TRMU: variants seen among roughly 807,000 people sequenced by gnomAD.
The protein encoded by TRMU is mitochondrial tRNA-specific 2-thiouridylase 1.
Under a neutral mutation model 46.9 loss-of-function variants are expected in TRMU, and 49 were observed. The ratio of observed to expected loss-of-function variants is 1.05; its 90% CI spans 0.83 to 1.33. The LOEUF is 1.33. TRMU is among the 40% of genes most tolerant of loss of function. The pLI is 0.00. For synonymous variants in TRMU, 241 were observed against 200.9 expected (o/e 1.20, Z -1.69); for missense variants, 572 against 532.4 (o/e 1.07, Z -0.73).
At position 46,335,788 on chromosome 22, in the gene TRMU, G is replaced by T. The variant is rs1407341301; in HGVS notation, c.24G>T (p.Val8=). The part of the protein sequence containing the change: MQALRHV[V]CALSGGVDSA... ...GGATGCAGGCCTTGCGGCACGTCGTGTGCGCCCTGTCCGGCGGCGTGGACA... is the reference window on the plus strand; with the variant it reads ...GGATGCAGGCCTTGCGGCACGTCGTTTGCGCCCTGTCCGGCGGCGTGGACA... The change falls in exon 1 of 11, where the codon GTG becomes GTT. Residue 8 remains valine (V), a synonymous_variant. Coordinates refer to ENST00000645190, the MANE Select transcript of TRMU (RefSeq NM_018006.5). 3 of 1,559,774 alleles carry T rather than the reference G, an allele frequency of 1.9e-6. No individual in the cohort carries two copies. The highest frequency in any genetic ancestry group is 3.7e-5 in the Admixed American group (2 of 53,376).
At chr22:46,343,704 T>C (rs2078182151) in intron 3 of TRMU, among the ~76,000 whole-genome samples, 1 of 152,204 alleles carries the variant, frequency 6.6e-6, no homozygotes, top group African/African-American at 2.4e-5. Flanking sequence ...CTCCTGATAC[T>C]GAATTGCTTG....
chr22:46,355,911 G>A, intron 9 of TRMU, 79 bp from the exon 10 acceptor site: 1 of 1,532,512 alleles, frequency 6.5e-7, no homozygotes, highest in African/African-American at 1.4e-5. Flanking sequence ...CCGTGGGCTG[G>A]TGCTCCTTTC....
intron 9 of TRMU, 128 bp downstream of exon 9, chr22:46,355,716 A>G (rs1465479019): frequency 6.7e-6 from 10 of 1,490,756 alleles, no homozygotes; most frequent in Admixed American, 5.6e-5. Context: ...GAGATTACCT[A>G]AAGTATTTAG....
At position 46,355,770 on chromosome 22, in the gene TRMU, CT is replaced by C. The variant is rs556044498; in HGVS notation, c.1018+183del. On this transcript the variant is annotated intron_variant, in intron 9 of 10. Coordinates refer to ENST00000645190, the MANE Select transcript of TRMU (RefSeq NM_018006.5). ...CTGCCCTGAGCGAGGCCTGGGGGTG[CT>C]GGGAGCAGATGCAGGCAGGCCCCGG... The C allele has an allele frequency of 4.4e-4, 514 of 1,176,066 alleles. 7 individuals are homozygous for C. The Admixed American group carries it at 8.2e-3, about 19-fold the overall frequency. The allele number at this position is 1,176,066 out of a possible 1,614,324, so 72.9% of individuals were successfully genotyped here.
At position 46,338,825 on chromosome 22, in the gene TRMU, T is replaced by C. The variant is rs2078047699; in HGVS notation, c.248+881T>C. Among the ~76,000 whole-genome samples the C allele has an allele frequency of 6.6e-6, 1 of 152,178 alleles. No homozygotes were observed. Among genetic ancestry groups the C allele is most frequent in the South Asian group, 2.1e-4 (1 of 4,828 alleles). ...ATGTCGGGCAGTTGTCGAAGGCGTC[T>C]GACACAGCAGGCCATGTGCGCGGGA... On this transcript the variant is annotated intron_variant, in intron 2 of 10. Transcript: ENST00000645190. This position sits in a 1 kb window ranked among gnomAD's most constrained non-coding sequence, Gnocchi z 4.5.
rs1304482594 is a variant in TRMU at position 46,348,564 on chromosome 22, A to C, written c.479-1727A>C. On this transcript the variant is annotated intron_variant, in intron 4 of 10. Coordinates refer to ENST00000645190, the MANE Select transcript of TRMU (RefSeq NM_018006.5). This position sits in a 1 kb window ranked among gnomAD's most constrained non-coding sequence, Gnocchi z 4.8. The stretch of plus-strand genomic sequence containing the variant: ...CCTGTGACTGGGCTGATTTTCCCCC[A>C]CACAGCGTGCTACCACCGGCCTGGC... Among the ~76,000 whole-genome samples, 1 of 152,128 alleles carries C rather than the reference A, an allele frequency of 6.6e-6. No individual in the cohort carries two copies. Among genetic ancestry groups the C allele is most frequent in the Non-Finnish European group, 1.5e-5 (1 of 68,016 alleles).
At chr22:46,343,443 T>A in intron 3 of TRMU, 75 bp downstream of exon 3, 1 of 1,132,582 alleles carries the variant, frequency 8.8e-7, no homozygotes, top group Non-Finnish European at 1.3e-6. Flanking sequence ...TGGATTGCAG[T>A]GGTGCGATCA....
At chr22:46,356,219 T>G (rs1032324994) in intron 10 of TRMU, 147 bp downstream of exon 10, 1 of 786,174 alleles carries the variant, frequency 1.3e-6, no homozygotes, top group Non-Finnish European at 2.1e-6. Context: ...CCACCAGCCC[T>G]GCCCTGGGGG....
rs771627457 is a variant in TRMU, at chr22:46,352,139, A to G, written c.670A>G (p.Ile224Val). Reference sequence around the variant, plus strand: ...ATTTCAGAGCATGGGCATGTGTTTCATCGGGAAGAGGAATTTTGAACATTT... The same window carrying G: ...ATTTCAGAGCATGGGCATGTGTTTCGTCGGGAAGAGGAATTTTGAACATTT... ...QKKESMGMCFIGKRNFEHFLL... is the reference protein window; with the variant it reads ...QKKESMGMCFVGKRNFEHFLL... The change falls in exon 6 of 11, where the codon ATC becomes GTC. Residue 224 changes from isoleucine to valine, a missense_variant. Transcript: ENST00000645190. 3 of 1,613,582 alleles carry G rather than the reference A, an allele frequency of 1.9e-6. No homozygotes were observed. The highest frequency in any genetic ancestry group is 2.5e-6 in the Non-Finnish European group (3 of 1,180,030).
rs1238190742 is a variant in TRMU at position 46,339,272 on chromosome 22, C to T, written c.248+1328C>T. 1.3e-5 allele frequency among the ~76,000 whole-genome samples: 2 copies of T among 152,180 alleles called. No individual in the cohort carries two copies. The highest frequency in any genetic ancestry group is 1.9e-4 in the East Asian group (1 of 5,186). On this transcript the variant is annotated intron_variant, in intron 2 of 10. Transcript: ENST00000645190. The surrounding 1 kb of genome is among the most constrained non-coding windows in gnomAD (Gnocchi z 4.8). ...TCAAGCGATTCTCATGCCTCAGCCT[C>T]CCAAGTAGCTGGGATTATAGGCATG...
intron 8 of TRMU, chr22:46,355,230 T>C (rs1206520632): frequency 4.3e-6 from 3 of 691,762 alleles, no homozygotes; most frequent in Non-Finnish European, 7.3e-6. Flanking sequence ...GGTACTTCCT[T>C]CCTGGGCCTT....
rs1601936651 is a variant in TRMU at position 46,338,237 on chromosome 22, G to A, written c.248+293G>A. ...TTTCTGTTGCCCAGTTAGGATAGGG[G>A]AGCTAAGGCTGAGGGCTCCCCTGGA... On this transcript the variant is annotated intron_variant, in intron 2 of 10. Transcript: ENST00000645190. This position sits in a 1 kb window ranked among gnomAD's most constrained non-coding sequence, Gnocchi z 4.5. 1 of 413,664 alleles carries A rather than the reference G, an allele frequency of 2.4e-6. No homozygotes were observed. Among genetic ancestry groups the A allele is most frequent in the Admixed American group, 3.6e-5 (1 of 28,140 alleles). 25.6% of individuals were successfully genotyped at this position (413,664 alleles called of 1,614,324 possible).
chr22:46,352,381 G>A (rs773785416), intron 7 of TRMU, 51 bp downstream of exon 7: 6 of 1,596,580 alleles, frequency 3.8e-6, no homozygotes, highest in South Asian at 2.2e-5. Context: ...GAGCTGTGGC[G>A]TTTCAGCTCT....
chr22:46,353,724 G>C (rs771466448), intron 7 of TRMU, 43 bp from the exon 8 acceptor site: 3 of 1,590,800 alleles, frequency 1.9e-6, no homozygotes, highest in South Asian at 2.2e-5. Context: ...CATGTGGGCT[G>C]TAACTTGTTG....
In TRMU at chr22:46,336,888, C is replaced by G. The variant is rs1451427887; in HGVS notation, c.83-891C>G. On this transcript the variant is annotated intron_variant, in intron 1 of 10. Coordinates refer to ENST00000645190, the MANE Select transcript of TRMU (RefSeq NM_018006.5). The surrounding 1 kb of genome is among the most constrained non-coding windows in gnomAD (Gnocchi z 4.1). ...GAGACTTGGAGGTGGAGGCGGCCCT[C>G]CCGGCACAGTCAGCAGTGCAAGCAG... is the stretch of plus-strand genomic sequence containing the variant. Among the ~76,000 whole-genome samples the G allele has an allele frequency of 6.6e-6, 1 of 152,052 alleles. No homozygotes were observed. Among genetic ancestry groups the G allele is most frequent in the Non-Finnish European group, 1.5e-5 (1 of 68,014 alleles).
At chr22:46,345,457 A>G (rs2078228147) in intron 3 of TRMU, among the ~76,000 whole-genome samples, 1 of 152,224 alleles carries the variant, frequency 6.6e-6, no homozygotes, top group African/African-American at 2.4e-5. Context: ...GTAATATGAA[A>G]AGAAGAAACA....
chr22:46,353,732 T>C (rs372281955), intron 7 of TRMU, 35 bp from the exon 8 acceptor site: 52 of 1,600,710 alleles, frequency 3.2e-5, no homozygotes, highest in Non-Finnish European at 4.4e-5. Flanking sequence ...CTGTAACTTG[T>C]TGCCCAGCCT....
At position 46,348,460 on chromosome 22, in the gene TRMU, G is replaced by A. The variant is rs1201743999; in HGVS notation, c.479-1831G>A. On this transcript the variant is annotated intron_variant, in intron 4 of 10. Transcript: ENST00000645190. The surrounding 1 kb of genome is among the most constrained non-coding windows in gnomAD (Gnocchi z 4.8). Reference sequence around the variant, plus strand: ...TTGCCCTGGCCCAGCCTGGGTCTCTGGGTAGAGCACCTGCAGGGGCAGTGG... The same window carrying A: ...TTGCCCTGGCCCAGCCTGGGTCTCTAGGTAGAGCACCTGCAGGGGCAGTGG... 6.6e-6 allele frequency among the ~76,000 whole-genome samples: 1 copy of A among 152,216 alleles called. No homozygotes were observed. The highest frequency in any genetic ancestry group is 1.9e-4 in the East Asian group (1 of 5,196).
chr22:46,335,739 A>T lies in TRMU; in HGVS notation c.-26A>T. 6.5e-7 allele frequency: 1 copy of T among 1,543,892 alleles called. No homozygotes were observed. Among genetic ancestry groups the T allele is most frequent in the South Asian group, 1.2e-5 (1 of 84,280 alleles). ...AAGGCGCGGAAGCGGCGGTAGCTGC[A>T]GCTGGCGAAGTTGGGCGACTGGCGG... On this transcript the variant is annotated 5_prime_UTR_variant, in exon 1 of 11. Coordinates refer to ENST00000645190, the MANE Select transcript of TRMU (RefSeq NM_018006.5).
Sources: gnomAD v4.1 joint callset for allele counts (sites outside exome capture counted in the v4.1 genomes callset) on GRCh38, gnomAD v4.1.1 for gene constraint, Gnocchi (gnomAD v3.1) non-coding constraint, MANE v1.5 for transcripts, NCBI Gene and HGNC (gene_info 2026-07-23, HGNC 2026-07-21) for gene names.